The following KMT2E variants were observed in gnomAD, a reference collection of about 807,000 sequenced individuals.
KMT2E encodes the protein lysine methyltransferase 2E (inactive).
In KMT2E, 30 loss-of-function variants were observed where a neutral mutation model predicts 184.6. That is an observed-to-expected ratio of 0.16 (90% confidence interval 0.12 to 0.22). KMT2E has a LOEUF of 0.22. Ranked by LOEUF, KMT2E falls within the 10% of genes least tolerant of loss-of-function variation. The pLI, the probability that KMT2E is intolerant of heterozygous loss-of-function variation, is 1.00. For synonymous variants in KMT2E, 815 were observed against 776.5 expected, an observed-to-expected ratio of 1.05 and a Z score of -0.82; for missense variants, 2,023 against 2,237.4, an observed-to-expected ratio of 0.90 and a Z score of 1.93.
chr7:105,099,434 T>A (rs1421467174), intron 15 of KMT2E, among the ~76,000 whole-genome samples: 1 of 152,248 alleles, frequency 6.6e-6, no homozygotes, highest in African/African-American at 2.4e-5. Context: ...TCTAGAAGAT[T>A]ATGAACCATC....
intron 5 of KMT2E, among the ~76,000 whole-genome samples, chr7:105,064,519 T>C (rs1047039530): frequency 2.0e-5 from 3 of 152,130 alleles, no homozygotes; most frequent in Admixed American, 6.6e-5. Flanking sequence ...ATATTATTGA[T>C]ACAAACATGC....
At chr7:105,044,451 A>T (rs569989783) in intron 3 of KMT2E, among the ~76,000 whole-genome samples, 36 of 152,330 alleles carry the variant, frequency 2.4e-4, no homozygotes, top group Non-Finnish European at 4.9e-4. Context: ...TTTATTTTAC[A>T]GATATGGGCA....
intron 12 of KMT2E, among the ~76,000 whole-genome samples, chr7:105,081,276 C>T (rs995542557): frequency 4.0e-5 from 6 of 150,846 alleles, no homozygotes; most frequent in African/African-American, 1.2e-4. Context: ...TCCAGCTACT[C>T]GGGAGGCTGA....
At chr7:105,056,009 A>G (rs1479577374) in intron 3 of KMT2E, among the ~76,000 whole-genome samples, 1 of 151,672 alleles carries the variant, frequency 6.6e-6, no homozygotes, top group Non-Finnish European at 1.5e-5. Flanking sequence ...AAACTATATT[A>G]TTGTAAGTTC....
Position 105,037,197 on chromosome 7 carries a change from G to T in KMT2E, c.-188-929G>T, listed in dbSNP as rs529659427. On this transcript the variant is annotated intron_variant, in intron 1 of 26. Coordinates refer to ENST00000311117, the MANE Select transcript of KMT2E (RefSeq NM_182931.3). ...AAATATTTATTGAGCACTGTGCCAG[G>T]TGCTTATAAAGGACAGAAATATAAT... Among the ~76,000 whole-genome samples, 189 of 152,154 alleles carry T rather than the reference G, an allele frequency of 1.2e-3. 1 individual carries two copies. The highest frequency in any genetic ancestry group is 3.4e-3 in the Middle Eastern group (1 of 294).
chr7:105,043,306 G>A (rs1189743858), intron 3 of KMT2E, among the ~76,000 whole-genome samples: 18 of 147,306 alleles, frequency 1.2e-4, no homozygotes, highest in African/African-American at 4.0e-4. Flanking sequence ...GCGGGATCTC[G>A]GCTCACTGCA....
chr7:105,036,084 C>CA (rs1405996641), intron 1 of KMT2E, among the ~76,000 whole-genome samples: 1 of 151,480 alleles, frequency 6.6e-6, no homozygotes, highest in African/African-American at 2.4e-5. Context: ...AGGCAGCTGT[C>CA]AATTTTTTCT....
At chr7:105,075,108 T>C (rs115515202) in intron 8 of KMT2E, among the ~76,000 whole-genome samples, 2 of 152,016 alleles carry the variant, frequency 1.3e-5, no homozygotes, top group Admixed American at 6.5e-5. Context: ...ACTACCAGGA[T>C]TGTATTCCTT....
At chr7:105,028,426 C>T (rs916312858) in intron 1 of KMT2E, among the ~76,000 whole-genome samples, 2 of 152,184 alleles carry the variant, frequency 1.3e-5, no homozygotes, top group Non-Finnish European at 2.9e-5. Flanking sequence ...CTCAGCCTCC[C>T]AAAGTGCTAG....
At chr7:105,043,649 T>C (rs186678560) in intron 3 of KMT2E, among the ~76,000 whole-genome samples, 1 of 152,354 alleles carries the variant, frequency 6.6e-6, no homozygotes, top group East Asian at 1.9e-4. Context: ...TTTAAATTTG[T>C]AAAGTGGTTC....
chr7:105,077,533 C>A, intron 11 of KMT2E, 100 bp downstream of exon 11: 1 of 886,818 alleles, frequency 1.1e-6, no homozygotes, highest in Non-Finnish European at 1.8e-6. Context: ...TTTTTTCCTA[C>A]ATGATCATTT....
intron 1 of KMT2E, among the ~76,000 whole-genome samples, chr7:105,024,593 C>T (rs1181734049): frequency 6.6e-6 from 1 of 152,076 alleles, no homozygotes; most frequent in Non-Finnish European, 1.5e-5. Context: ...AGAGTAGGGC[C>T]TTGAATTTGC....
At chr7:105,072,236 T>C (rs1353280774) in intron 6 of KMT2E, among the ~76,000 whole-genome samples, 2 of 152,018 alleles carry the variant, frequency 1.3e-5, no homozygotes, top group African/African-American at 4.8e-5. Flanking sequence ...CAGAATGGCA[T>C]GAACCTGGGA....
chr7:105,045,855 T>C (rs1399679812), intron 3 of KMT2E, among the ~76,000 whole-genome samples: 1 of 152,220 alleles, frequency 6.6e-6, no homozygotes, highest in Non-Finnish European at 1.5e-5. Context: ...ATTTAACATT[T>C]TGAGGAATCG....
chr7:105,101,868 G>A lies in KMT2E; in HGVS notation c.1888-18G>A, dbSNP rs753069569. The A allele has an allele frequency of 2.0e-5, 31 of 1,577,416 alleles. No individual in the cohort carries two copies. Among genetic ancestry groups the A allele is most frequent in the Middle Eastern group, 3.4e-4 (2 of 5,960 alleles). On this transcript the variant is annotated intron_variant, in intron 16 of 26. Transcript: ENST00000311117. ...ATATGTAGTATAAAAACTTCCATTC[G>A]CTTGTATTTTGAATTAGGAACAAGC...
intron 3 of KMT2E, among the ~76,000 whole-genome samples, chr7:105,054,319 G>A (rs1448452185): frequency 1.3e-5 from 2 of 151,824 alleles, no homozygotes; most frequent in Non-Finnish European, 2.9e-5. Context: ...GATGGTTGAT[G>A]TACCCTGTGT....
At chr7:105,021,306 C>A (rs576262586) in intron 1 of KMT2E, among the ~76,000 whole-genome samples, 1 of 152,306 alleles carries the variant, frequency 6.6e-6, no homozygotes, top group South Asian at 2.1e-4. Context: ...CATCATTAAG[C>A]CTTCGCTGTA....
chr7:105,082,732 C>T (rs769124643), intron 13 of KMT2E, among the ~76,000 whole-genome samples: 3 of 152,142 alleles, frequency 2.0e-5, no homozygotes, highest in Non-Finnish European at 2.9e-5. Flanking sequence ...TTTGCTTTCT[C>T]ATTTCTCTAA....
intron 26 of KMT2E, among the ~76,000 whole-genome samples, chr7:105,111,536 G>T (rs902980843): frequency 1.3e-5 from 2 of 151,950 alleles, no homozygotes; most frequent in Non-Finnish European, 2.9e-5. Flanking sequence ...AGGTTTCATT[G>T]CTTAGGGGTA....
Sources: gnomAD v4.1 joint callset for allele counts (sites outside exome capture counted in the v4.1 genomes callset) on GRCh38, gnomAD v4.1.1 for gene constraint, MANE v1.5 for transcripts, NCBI Gene and HGNC (gene_info 2026-07-23, HGNC 2026-07-21) for gene names.